Variants in TMEM217B observed in about 807,000 individuals in gnomAD.
TMEM217B encodes transmembrane protein 217B.
the TMEM217B span, chr6:37,217,848 T>C: frequency 1.4e-5 from 14 of 985,484 alleles, no homozygotes; most frequent in Non-Finnish European, 1.4e-5. Context: ...AGGATTGCCC[T>C]ACTGCAATTC....
At chr6:37,255,278 G>C in the TMEM217B span, among the ~76,000 whole-genome samples, 1 of 152,180 alleles carries the variant, frequency 6.6e-6, no homozygotes, top group Non-Finnish European at 1.5e-5. Context: ...GAGGTGAGTG[G>C]AGCCAAGTCA....
At chr6:37,212,783 G>A in the TMEM217B span, 4 of 714,164 alleles carry the variant, frequency 5.6e-6, no homozygotes, top group Non-Finnish European at 1.0e-5. Context: ...GTGAGGGAGA[G>A]GCCAGTGCTG....
chr6:37,212,944 A>G, the TMEM217B span: 5 of 1,550,210 alleles, frequency 3.2e-6, no homozygotes, highest in Non-Finnish European at 4.4e-6. Context: ...GATGCCCACC[A>G]TGAGGGAGAA....
chr6:37,218,805 T>C, the TMEM217B span: 5 of 1,613,960 alleles, frequency 3.1e-6, no homozygotes, highest in African/African-American at 2.7e-5. Context: ...CTGATGAGGA[T>C]GGTGATGAAA....
At chr6:37,228,441 C>G in the TMEM217B span, among the ~76,000 whole-genome samples, 1 of 152,202 alleles carries the variant, frequency 6.6e-6, no homozygotes. Flanking sequence ...TGATGGCTCA[C>G]GCTTGTAATC....
chr6:37,214,356 T>C, the TMEM217B span, among the ~76,000 whole-genome samples: 2 of 152,094 alleles, frequency 1.3e-5, no homozygotes, highest in Non-Finnish European at 2.9e-5. Context: ...GCCTCCCAAG[T>C]AGCTGGGATT....
At chr6:37,214,381 G>C in the TMEM217B span, among the ~76,000 whole-genome samples, 3,235 of 152,100 alleles carry the variant, frequency 0.021, 98 homozygotes, top group African/African-American at 0.067. Context: ...GCGTGCGCCA[G>C]CATGCCCAGC....
the TMEM217B span, chr6:37,212,682 G>C: frequency 5.0e-6 from 3 of 605,576 alleles, no homozygotes. Flanking sequence ...TGATGAGCTC[G>C]TAAGTGATGA....
chr6:37,252,637 ATTTTTTTTTT>A, the TMEM217B span, among the ~76,000 whole-genome samples: 12,208 of 70,622 alleles, frequency 0.17, 633 homozygotes, highest in Non-Finnish European at 0.23. Context: ...ATATATATAT[ATTTTTTTTTT>A]TTTTTTTTTT....
chr6:37,229,334 A>ATTTTT, the TMEM217B span, among the ~76,000 whole-genome samples: 7 of 30,320 alleles, frequency 2.3e-4, no homozygotes, highest in East Asian at 1.1e-3. Context: ...AGCAACTTTC[A>ATTTTT]GTTTTTTTTT....
At chr6:37,243,325 T>C in the TMEM217B span, among the ~76,000 whole-genome samples, 1 of 152,088 alleles carries the variant, frequency 6.6e-6, no homozygotes. Context: ...CTGAGTGTGG[T>C]CATGTGACCA....
the TMEM217B span, among the ~76,000 whole-genome samples, chr6:37,233,945 A>T: frequency 1.3e-5 from 2 of 152,224 alleles, no homozygotes; most frequent in Admixed American, 1.3e-4. Context: ...GTAATGCAAT[A>T]AATTACATGA....
the TMEM217B span, among the ~76,000 whole-genome samples, chr6:37,234,392 G>A: frequency 6.6e-6 from 1 of 152,168 alleles, no homozygotes; most frequent in Non-Finnish European, 1.5e-5. Context: ...GAGCCACCAC[G>A]CCTTGCCACT....
At chr6:37,226,694 T>C in the TMEM217B span, among the ~76,000 whole-genome samples, 2 of 152,162 alleles carry the variant, frequency 1.3e-5, no homozygotes, top group African/African-American at 4.8e-5. Context: ...CCTGAGTAGC[T>C]GGGATTACAG....
chr6:37,245,536 T>C, the TMEM217B span, among the ~76,000 whole-genome samples: 1 of 152,200 alleles, frequency 6.6e-6, no homozygotes, highest in Non-Finnish European at 1.5e-5. Flanking sequence ...GTTGGGAAAA[T>C]AAGTAGCTGG....
the TMEM217B span, among the ~76,000 whole-genome samples, chr6:37,235,556 T>C: frequency 4.0e-5 from 6 of 151,860 alleles, no homozygotes; most frequent in South Asian, 8.3e-4. Flanking sequence ...TTAGTAGAGA[T>C]GGGGTTTCAC....
the TMEM217B span, among the ~76,000 whole-genome samples, chr6:37,252,646 T>A: frequency 0.014 from 1,497 of 106,874 alleles, 11 homozygotes; most frequent in African/African-American, 0.038. Flanking sequence ...TATTTTTTTT[T>A]TTTTTTTTTT....
the TMEM217B span, chr6:37,218,588 T>G: frequency 2.5e-6 from 4 of 1,614,122 alleles, no homozygotes; most frequent in Non-Finnish European, 3.4e-6. Flanking sequence ...GTGGGCATAG[T>G]TGATGACAAA....
the TMEM217B span, among the ~76,000 whole-genome samples, chr6:37,243,236 C>G: frequency 6.6e-6 from 1 of 152,244 alleles, no homozygotes; most frequent in African/African-American, 2.4e-5. Context: ...TTTGCCCCTT[C>G]TTCCACTCTG....
Sources: allele counts gnomAD v4.1 joint callset (sites outside exome capture counted in the v4.1 genomes callset), GRCh38; gene constraint gnomAD v4.1.1; transcripts MANE v1.5; gene names NCBI Gene and HGNC (gene_info 2026-07-23, HGNC 2026-07-21).